MYO3A: variants seen among roughly 807,000 people sequenced by gnomAD.
MYO3A encodes the protein myosin IIIA, also known as myosin-IIIa.
MYO3A carries 180 observed loss-of-function variants against 192.7 expected under a neutral mutation model. The observed-to-expected ratio is 0.93, with a 90% CI of 0.83 to 1.06. The LOEUF is 1.06. Among genes scored for constraint, MYO3A ranks in the 50% least tolerant of loss-of-function variants. MYO3A has a pLI of 0.00. For synonymous variants in MYO3A, 628 were observed against 645.3 expected (o/e 0.97, Z 0.41); for missense variants, 1,896 against 1,905.0 (o/e 1.00, Z 0.09).
intron 4 of MYO3A, among the ~76,000 whole-genome samples, chr10:25,975,444 G>C (rs7915984): frequency 0.014 from 2,132 of 152,304 alleles, 54 homozygotes; most frequent in African/African-American, 0.046. Context: ...CGTAACGGCA[G>C]TTATCAAAGA....
intron 33 of MYO3A, among the ~76,000 whole-genome samples, chr10:26,201,669 G>A (rs1204992487): frequency 2.0e-5 from 3 of 147,056 alleles, no homozygotes; most frequent in South Asian, 2.1e-4. Context: ...CTGAGCAGTC[G>A]ACTGGGCGAG....
intron 26 of MYO3A, among the ~76,000 whole-genome samples, chr10:26,159,541 G>A (rs564662672): frequency 8.7e-5 from 13 of 150,268 alleles, no homozygotes; most frequent in African/African-American, 2.7e-4. Context: ...CACCACGCCC[G>A]GCTAATTTTT....
intron 31 of MYO3A, among the ~76,000 whole-genome samples, chr10:26,177,183 A>G (rs1047124930): frequency 4.6e-5 from 7 of 152,128 alleles, no homozygotes; most frequent in South Asian, 2.1e-4. Flanking sequence ...ATAGAAATAG[A>G]AATATTTCTA....
intron 17 of MYO3A, among the ~76,000 whole-genome samples, chr10:26,106,597 T>C (rs1290657203): frequency 1.3e-5 from 2 of 152,112 alleles, no homozygotes; most frequent in African/African-American, 4.8e-5. Context: ...TTTTAAGTGG[T>C]TTTAGTGTTT....
rs187125905 is a variant in MYO3A, at chr10:26,085,186, A to C, written c.1360-3017A>C. On this transcript the variant is annotated intron_variant, in intron 14 of 34. Coordinates refer to ENST00000642920, the MANE Select transcript of MYO3A (RefSeq NM_017433.5). ...GACTAGTTAAGGGTTTGTCAATCTT[A>C]TTTTTTCAAAAATGAAACTCATTTT... 9.2e-3 allele frequency among the ~76,000 whole-genome samples: 1,394 copies of C among 151,492 alleles called. 19 individuals carry two copies. The highest frequency in any genetic ancestry group is 0.013 in the Non-Finnish European group (911 of 67,864).
At chr10:26,030,201 G>A (rs770534878) in intron 10 of MYO3A, among the ~76,000 whole-genome samples, 7 of 151,954 alleles carry the variant, frequency 4.6e-5, no homozygotes, top group African/African-American at 1.5e-4. Flanking sequence ...TCTTTTTCCC[G>A]TTTTTGGTGC....
At chr10:26,174,786 G>A (rs754266622) in intron 30 of MYO3A, among the ~76,000 whole-genome samples, 37 of 152,044 alleles carry the variant, frequency 2.4e-4, no homozygotes, top group Non-Finnish European at 3.8e-4. Context: ...TCATGTAGTC[G>A]TGATACTAGA....
chr10:26,211,695 C>G (rs1000038621), intron 34 of MYO3A, 148 bp from the exon 35 acceptor site: 2 of 1,253,618 alleles, frequency 1.6e-6, no homozygotes, highest in Admixed American at 2.3e-5. Context: ...TACGTTTGGC[C>G]ATTATCCAGT....
At chr10:25,954,347 T>C (rs1837400987) in intron 3 of MYO3A, among the ~76,000 whole-genome samples, 1 of 152,150 alleles carries the variant, frequency 6.6e-6, no homozygotes, top group African/African-American at 2.4e-5. Context: ...TTTTGGTGAA[T>C]GGACCTTTAG....
At chr10:26,001,092 C>T (rs1051540815) in intron 6 of MYO3A, among the ~76,000 whole-genome samples, 1 of 152,100 alleles carries the variant, frequency 6.6e-6, no homozygotes, top group African/African-American at 2.4e-5. Context: ...CAGGTCCCTC[C>T]CCCAAATTAC....
At chr10:26,128,367 A>G (rs1589004759) in intron 19 of MYO3A, 24 bp from the exon 20 acceptor site, 1 of 1,608,976 alleles carries the variant, frequency 6.2e-7, no homozygotes, top group Non-Finnish European at 8.5e-7. Context: ...ATAACTCAAA[A>G]TAATGCCTCT....
chr10:26,011,979 A>G (rs1395229191), intron 6 of MYO3A, among the ~76,000 whole-genome samples: 2 of 152,216 alleles, frequency 1.3e-5, no homozygotes, highest in African/African-American at 4.8e-5. Flanking sequence ...AATCACATAA[A>G]TAGAATTAAA....
At chr10:26,201,047 G>A (rs1843654401) in intron 32 of MYO3A, 5 of 235,538 alleles carry the variant, frequency 2.1e-5, no homozygotes, top group East Asian at 8.7e-5. Context: ...GCAAAGATTC[G>A]TTTCAGTTTA....
chr10:26,171,933 TC>T (rs760246783), intron 29 of MYO3A, among the ~76,000 whole-genome samples: 2 of 152,180 alleles, frequency 1.3e-5, no homozygotes, highest in Non-Finnish European at 2.9e-5. Flanking sequence ...GGATTAGCTT[TC>T]AATGTAGCAG....
At chr10:26,056,992 A>G (rs1430689424) in intron 10 of MYO3A, among the ~76,000 whole-genome samples, 1 of 152,168 alleles carries the variant, frequency 6.6e-6, no homozygotes, top group Non-Finnish European at 1.5e-5. Flanking sequence ...AAAGCTACAG[A>G]GGAGAGAATT....
intron 4 of MYO3A, among the ~76,000 whole-genome samples, chr10:25,979,928 AAAAC>A (rs1332904880): frequency 1.3e-5 from 2 of 152,182 alleles, no homozygotes; most frequent in Non-Finnish European, 2.9e-5. Flanking sequence ...TCCCCCAGGC[AAAAC>A]AAACAAACAA....
chr10:25,953,724 C>G (rs1000773465), intron 3 of MYO3A, among the ~76,000 whole-genome samples: 2 of 152,250 alleles, frequency 1.3e-5, no homozygotes, highest in African/African-American at 4.8e-5. Context: ...GGTATACCTA[C>G]AAGCCTTATA....
At chr10:25,939,700 G>T (rs1239024828) in intron 2 of MYO3A, among the ~76,000 whole-genome samples, 1 of 150,984 alleles carries the variant, frequency 6.6e-6, no homozygotes, top group Non-Finnish European at 1.5e-5. Flanking sequence ...ATTCTTTTTT[G>T]TATGTAGGAT....
rs11816333 is a variant in MYO3A, at chr10:26,026,795, G to A, written c.953+263G>A. 0.16 allele frequency among the ~76,000 whole-genome samples: 24,685 copies of A among 151,996 alleles called. 2,303 individuals carry two copies. The highest frequency in any genetic ancestry group is 0.21 in the Non-Finnish European group (14,184 of 67,940). On this transcript the variant is annotated intron_variant, in intron 10 of 34. Coordinates refer to ENST00000642920, the MANE Select transcript of MYO3A (RefSeq NM_017433.5). ...CGGCTCACTGCAACCTCCACCTCCC[G>A]GGTTCAAGCGATTCTCCTGCCTCAG... is the stretch of plus-strand genomic sequence containing the variant.
Sources: gnomAD v4.1 joint callset for allele counts (sites outside exome capture counted in the v4.1 genomes callset) on GRCh38, gnomAD v4.1.1 for gene constraint, MANE v1.5 for transcripts, NCBI Gene and HGNC (gene_info 2026-07-23, HGNC 2026-07-21) for gene names.